NUBPL: variants seen among roughly 807,000 people sequenced by gnomAD.
NUBPL encodes the protein iron-sulfur cluster transfer protein NUBPL.
A neutral mutation model predicts 45.7 loss-of-function variants in NUBPL; 31 were observed. That is an observed-to-expected ratio of 0.68 (90% CI 0.51 to 0.92). NUBPL has a LOEUF of 0.92. Ranked by LOEUF, NUBPL falls within the 40% of genes least tolerant of loss-of-function variation. The pLI is 0.00. For missense variants in NUBPL, 401 were observed against 398.7 expected, an observed-to-expected ratio of 1.01 and a Z score of -0.05; for synonymous variants, 144 against 140.9, an observed-to-expected ratio of 1.02 and a Z score of -0.15.
chr14:31,713,420 GTCACTGGCTTGCTGA>G (rs1450459228), intron 6 of NUBPL, among the ~76,000 whole-genome samples: 1 of 151,994 alleles, frequency 6.6e-6, no homozygotes, highest in East Asian at 1.9e-4. Flanking sequence ...GGCACATTAT[GTCACTGGCTTGCTGA>G]TAATTTCAGC....
intron 7 of NUBPL, among the ~76,000 whole-genome samples, chr14:31,815,137 A>G (rs939227781): frequency 6.6e-6 from 1 of 152,074 alleles, no homozygotes; most frequent in East Asian, 1.9e-4. Flanking sequence ...CAGTATCGCC[A>G]TTTTCACAAC....
intron 6 of NUBPL, among the ~76,000 whole-genome samples, chr14:31,757,095 C>T (rs191032974): frequency 0.054 from 8,220 of 151,440 alleles, 642 homozygotes; most frequent in African/African-American, 0.18. Context: ...CTGCTGGATT[C>T]GGTTTGCCAG....
chr14:31,849,810 T>C (rs2040509591), intron 9 of NUBPL, among the ~76,000 whole-genome samples: 1 of 152,174 alleles, frequency 6.6e-6, no homozygotes, highest in African/African-American at 2.4e-5. Context: ...AGAAATCATT[T>C]GCAAATGTCT....
intron 6 of NUBPL, among the ~76,000 whole-genome samples, chr14:31,692,719 G>A (rs542801290): frequency 9.9e-5 from 15 of 152,206 alleles, no homozygotes; most frequent in Non-Finnish European, 2.1e-4. Context: ...TTTTGAATAA[G>A]GAATATTCTC....
chr14:31,781,795 C>T (rs912502288), intron 6 of NUBPL, among the ~76,000 whole-genome samples: 5 of 152,138 alleles, frequency 3.3e-5, no homozygotes, highest in Non-Finnish European at 7.4e-5. Flanking sequence ...CTTACTCAGA[C>T]CATCTATGAC....
intron 6 of NUBPL, among the ~76,000 whole-genome samples, chr14:31,690,492 A>T (rs1206803554): frequency 6.6e-6 from 1 of 152,146 alleles, no homozygotes; most frequent in Non-Finnish European, 1.5e-5. Context: ...CAAACACAAC[A>T]TCTTTAATGT....
chr14:31,607,514 A>G (rs1371929113), intron 4 of NUBPL, among the ~76,000 whole-genome samples: 1 of 152,142 alleles, frequency 6.6e-6, no homozygotes, highest in Admixed American at 6.6e-5. Context: ...TCAGAATTCT[A>G]TCAGATAAAT....
chr14:31,807,126 G>A (rs1283224303), intron 7 of NUBPL, among the ~76,000 whole-genome samples: 1 of 152,068 alleles, frequency 6.6e-6, no homozygotes, highest in Non-Finnish European at 1.5e-5. Context: ...TAATCCTTTG[G>A]GTATATACCC....
Position 31,678,385 on chromosome 14 carries a change from C to T in NUBPL, c.513+4811C>T, listed in dbSNP as rs532217845. 5.3e-5 allele frequency among the ~76,000 whole-genome samples: 8 copies of T among 152,354 alleles called. No individual in the cohort carries two copies. In the South Asian group the frequency reaches 1.5e-3, roughly 28 times the overall value. ...AAGTCTGTCATTGTAGCTACCACAG[C>T]AGGGAATGTGCTGTATCTTACCTTA... On this transcript the variant is annotated intron_variant, in intron 6 of 10. Transcript: ENST00000281081.
At chr14:31,808,916 C>A (rs191184822) in intron 7 of NUBPL, among the ~76,000 whole-genome samples, 1 of 152,118 alleles carries the variant, frequency 6.6e-6, no homozygotes, top group Admixed American at 6.6e-5. Flanking sequence ...TGATGGATTA[C>A]GTTTATTGAT....
intron 3 of NUBPL, among the ~76,000 whole-genome samples, chr14:31,569,778 G>A (rs754591375): frequency 2.0e-5 from 3 of 152,146 alleles, no homozygotes; most frequent in Admixed American, 6.5e-5. Flanking sequence ...TTTAAACCAT[G>A]GAAATTGGCA....
chr14:31,708,838 G>T lies in NUBPL; in HGVS notation c.513+35264G>T, dbSNP rs570755605. ...ACCCAGAGAACCTTTGTTCTCTGGGGCAGTGCACCTTCCAGTGATTGCCTT... is the reference window on the plus strand; with the variant it reads ...ACCCAGAGAACCTTTGTTCTCTGGGTCAGTGCACCTTCCAGTGATTGCCTT... On this transcript the variant is annotated intron_variant, in intron 6 of 10. Transcript: ENST00000281081. Among the ~76,000 whole-genome samples the T allele has an allele frequency of 2.1e-4, 32 of 152,284 alleles. No homozygotes were observed. The East Asian group carries it at 6.2e-3, about 30-fold the overall frequency.
intron 6 of NUBPL, among the ~76,000 whole-genome samples, chr14:31,711,949 G>T (rs533148927): frequency 6.6e-6 from 1 of 152,176 alleles, no homozygotes; most frequent in African/African-American, 2.4e-5. Context: ...GGCTTCAGGA[G>T]TGAAGCTGAA....
intron 6 of NUBPL, among the ~76,000 whole-genome samples, chr14:31,689,907 T>C (rs1343418971): frequency 2.1e-5 from 3 of 141,458 alleles, no homozygotes; most frequent in Non-Finnish European, 4.5e-5. Context: ...GCACCACTTA[T>C]TGAATAGGGA....
At chr14:31,807,101 T>C (rs1407138912) in intron 7 of NUBPL, among the ~76,000 whole-genome samples, 1 of 152,232 alleles carries the variant, frequency 6.6e-6, no homozygotes, top group Non-Finnish European at 1.5e-5. Context: ...TGTGTCTTTA[T>C]AGCAGCATGC....
chr14:31,620,134 A>G (rs768928712), intron 4 of NUBPL, among the ~76,000 whole-genome samples: 9 of 151,836 alleles, frequency 5.9e-5, no homozygotes, highest in African/African-American at 9.7e-5. Flanking sequence ...CAGCTCCATC[A>G]TGTCATTTAT....
At chr14:31,639,789 G>C (rs1295185201) in intron 4 of NUBPL, among the ~76,000 whole-genome samples, 1 of 152,168 alleles carries the variant, frequency 6.6e-6, no homozygotes, top group Admixed American at 6.5e-5. Context: ...GGGCAATGGC[G>C]GGCGCCCCTC....
At chr14:31,819,529 T>C (rs919660392) in intron 7 of NUBPL, among the ~76,000 whole-genome samples, 5 of 152,210 alleles carry the variant, frequency 3.3e-5, no homozygotes, top group African/African-American at 1.2e-4. Flanking sequence ...ATAGTTGAGT[T>C]GTTCCACACT....
At chr14:31,688,806 CCCT>C (rs2037026670) in intron 6 of NUBPL, among the ~76,000 whole-genome samples, 1 of 151,738 alleles carries the variant, frequency 6.6e-6, no homozygotes, top group Non-Finnish European at 1.5e-5. Flanking sequence ...CTTTTCCTCT[CCCT>C]CCTCCCGCCC....
Sources: gnomAD v4.1 joint callset for allele counts (sites outside exome capture counted in the v4.1 genomes callset) on GRCh38, gnomAD v4.1.1 for gene constraint, MANE v1.5 for transcripts, NCBI Gene and HGNC (gene_info 2026-07-23, HGNC 2026-07-21) for gene names.